The following COPS2 variants were observed in gnomAD, a reference collection of about 807,000 sequenced individuals.
COPS2 encodes the protein COP9 signalosome complex subunit 2.
A neutral mutation model predicts 66.1 loss-of-function variants in COPS2; 10 were observed. The ratio of observed to expected loss-of-function variants is 0.15; its 90% confidence interval spans 0.09 to 0.26. The LOEUF is 0.26. COPS2 is among the 10% of genes least tolerant of loss of function. The pLI, the probability that COPS2 is intolerant of heterozygous loss-of-function variation, is 1.00. For synonymous variants in COPS2, 179 were observed against 171.3 expected, an observed-to-expected ratio of 1.04 and a Z score of -0.35; for missense variants, 215 against 513.3, an observed-to-expected ratio of 0.42 and a Z score of 5.62.
intron 1 of COPS2, among the ~76,000 whole-genome samples, chr15:49,152,234 T>G (rs533792010): frequency 6.6e-5 from 10 of 150,638 alleles, no homozygotes; most frequent in African/African-American, 2.4e-4. Flanking sequence ...AAAACTCTTT[T>G]GGCAAAAGGT....
chr15:49,139,750 TG>T (rs965851072), intron 3 of COPS2, 97 bp from the exon 4 acceptor site: 11 of 865,862 alleles, frequency 1.3e-5, no homozygotes, highest in Admixed American at 7.9e-5. Context: ...CATAATGAAA[TG>T]TAGTTCATAT....
In COPS2 at chr15:49,128,045, G is replaced by C. The variant is rs1283495283; in HGVS notation, c.1237C>G (p.His413Asp). 2 of 1,613,802 alleles carry C rather than the reference G, an allele frequency of 1.2e-6. No homozygotes were observed. Among genetic ancestry groups the C allele is most frequent in the East Asian group, 2.2e-5 (1 of 44,876 alleles). Reference protein sequence around the residue: ...DQVNQLLELDHQKRGGARYTA... With the variant: ...DQVNQLLELDDQKRGGARYTA... ...TATCGTGCACCACCCCTCTTCTGAT[G>C]ATCCAGTTCAAGGAGTTGGTTGACT... Residue 413 changes from histidine to aspartate, a missense_variant, in exon 13 of 13, where the codon CAT becomes GAT. His to Asp is a moderately conservative substitution (Grantham distance 81). Coordinates refer to ENST00000388901, the MANE Select transcript of COPS2 (RefSeq NM_004236.4).
At chr15:49,138,220 CT>C (rs1566883730) in intron 4 of COPS2, among the ~76,000 whole-genome samples, 1 of 152,194 alleles carries the variant, frequency 6.6e-6, no homozygotes, top group Admixed American at 6.5e-5. Flanking sequence ...TGCCCACCCT[CT>C]TCCCCCCGCT....
intron 2 of COPS2, 51 bp downstream of exon 2, chr15:49,144,914 C>A: frequency 1.0e-6 from 1 of 973,226 alleles, no homozygotes; most frequent in Non-Finnish European, 1.6e-6. Flanking sequence ...TTTGTTCTAG[C>A]ATATCATTAA....
At chr15:49,145,741 A>G (rs1057011817) in intron 1 of COPS2, among the ~76,000 whole-genome samples, 6 of 150,348 alleles carry the variant, frequency 4.0e-5, no homozygotes, top group African/African-American at 1.5e-4. Flanking sequence ...TTCTTAGTGG[A>G]AAAAAAACAA....
intron 10 of COPS2, 147 bp downstream of exon 10, chr15:49,130,572 T>G: frequency 2.3e-6 from 1 of 436,836 alleles, no homozygotes; most frequent in Admixed American, 3.9e-5. Context: ...TTAAGGAATA[T>G]CCCATCCAAT....
intron 4 of COPS2, among the ~76,000 whole-genome samples, chr15:49,138,733 A>G (rs2084270360): frequency 6.6e-6 from 1 of 152,222 alleles, no homozygotes; most frequent in South Asian, 2.1e-4. Context: ...CTAGTAGAAA[A>G]GACATTAAAT....
chr15:49,137,136 T>G lies in COPS2; in HGVS notation c.540+14A>C. On this transcript the variant is annotated intron_variant, in intron 6 of 12. Coordinates refer to ENST00000388901, the MANE Select transcript of COPS2 (RefSeq NM_004236.4). ...TTATGAAGAAATATTCAGAAAAAAA[T>G]AAGGGAAAGCTACCTGGCACGACTG... The G allele has an allele frequency of 6.5e-7, 1 of 1,528,988 alleles. No individual in the cohort carries two copies. The highest frequency in any genetic ancestry group is 1.2e-5 in the South Asian group (1 of 80,124). 94.7% of individuals were successfully genotyped at this position (1,528,988 alleles called of 1,614,324 possible).
At chr15:49,151,350 A>G (rs1390665378) in intron 1 of COPS2, among the ~76,000 whole-genome samples, 1 of 151,432 alleles carries the variant, frequency 6.6e-6, no homozygotes, top group Non-Finnish European at 1.5e-5. Flanking sequence ...CAGTGAGCCG[A>G]GATCATGCCA....
intron 4 of COPS2, 113 bp from the exon 5 acceptor site, chr15:49,137,550 C>T: frequency 3.9e-6 from 3 of 761,632 alleles, no homozygotes; most frequent in South Asian, 1.6e-5. Context: ...ACATAAGATA[C>T]ACTATCTGTA....
At chr15:49,142,254 A>T (rs1330607455) in intron 3 of COPS2, among the ~76,000 whole-genome samples, 1 of 152,202 alleles carries the variant, frequency 6.6e-6, no homozygotes, top group Non-Finnish European at 1.5e-5. Context: ...TGCAATATAC[A>T]ATATACTTAA....
chr15:49,134,506 A>G lies in COPS2; in HGVS notation c.549T>C (p.Asp183=), dbSNP rs2084236524. 3 of 1,609,664 alleles carry G rather than the reference A, an allele frequency of 1.9e-6. No individual in the cohort carries two copies. The South Asian group carries it at 3.3e-5, about 18-fold the overall frequency. The change falls in exon 7 of 13, where the codon GAT becomes GAC. Residue 183 remains aspartate, a synonymous_variant. Coordinates refer to ENST00000388901, the MANE Select transcript of COPS2 (RefSeq NM_004236.4). The stretch of plus-strand genomic sequence containing the variant: ...TACCTTTTTTCAGATCATCTTCTCC[A>G]TCATCAGTCTAGGAAAGCAAATATT... ...RQLHQSCQTD[D]GEDDLKKGTQ...
chr15:49,134,296 A>G (rs937350235), intron 7 of COPS2, 44 bp downstream of exon 7: 2 of 1,576,650 alleles, frequency 1.3e-6, no homozygotes, highest in Non-Finnish European at 1.7e-6. Flanking sequence ...AAACACTTTG[A>G]TATCTCCCCA....
intron 1 of COPS2, among the ~76,000 whole-genome samples, chr15:49,149,156 A>G (rs1448708116): frequency 1.3e-5 from 2 of 152,248 alleles, no homozygotes; most frequent in East Asian, 3.8e-4. Context: ...CTAAAGTTCA[A>G]TAATAGTTCC....
chr15:49,134,065 C>T lies in COPS2; in HGVS notation c.759G>A (p.Lys253=), dbSNP rs779230984. 3.7e-6 allele frequency: 6 copies of T among 1,613,360 alleles called. No homozygotes were observed. In the East Asian group the frequency reaches 8.9e-5, roughly 24 times the overall value. The change falls in exon 8 of 13, where the codon AAG becomes AAA. Residue 253 remains lysine (K), a synonymous_variant. Transcript: ENST00000388901. ...AGGCTTCAAAAAAATCAGTGTGTGC[C>T]TTTTCAAATTCACCTTCCCTCAAGT... is the stretch of plus-strand genomic sequence containing the variant. The part of the protein sequence containing the change: ...KMHLREGEFE[K]AHTDFFEAFK...
intron 1 of COPS2, among the ~76,000 whole-genome samples, chr15:49,148,462 ATAAAGCAAT>A (rs2084337025): frequency 6.6e-6 from 1 of 152,216 alleles, no homozygotes; most frequent in Non-Finnish European, 1.5e-5. Context: ...GGCAGCTGAA[ATAAAGCAAT>A]TAACATGCAA....
intron 9 of COPS2, among the ~76,000 whole-genome samples, chr15:49,131,742 A>G (rs1428012455): frequency 6.6e-6 from 1 of 152,170 alleles, no homozygotes; most frequent in Non-Finnish European, 1.5e-5. Flanking sequence ...AGGAGGACAT[A>G]TTCAAGCATT....
At chr15:49,148,592 G>A (rs1450215496) in intron 1 of COPS2, among the ~76,000 whole-genome samples, 2 of 152,152 alleles carry the variant, frequency 1.3e-5, no homozygotes, top group African/African-American at 2.4e-5. Context: ...GACAACAGAA[G>A]TCTTACAAGG....
At position 49,127,465 on chromosome 15, in the gene COPS2, C is replaced by T. The variant is rs148531878; in HGVS notation, c.*485G>A. 8.4e-3 allele frequency: 1,282 copies of T among 153,450 alleles called. 6 individuals carry two copies. Among genetic ancestry groups the T allele is most frequent in the Non-Finnish European group, 0.014 (962 of 68,550 alleles). The allele number at this position is 153,450 out of a possible 1,614,324, so 9.5% of individuals were successfully genotyped here. A position where few individuals can be genotyped will look rare whatever the true frequency, so the allele number is the denominator to read the frequency against. ...CTGCAGGTACAGAAATATACGGACA[C>T]ATTTTTAGAGAATTGACATTTTGCA... On this transcript the variant is annotated 3_prime_UTR_variant, in exon 13 of 13. Transcript: ENST00000388901.
Sources: gnomAD v4.1 joint callset for allele counts (sites outside exome capture counted in the v4.1 genomes callset) on GRCh38, gnomAD v4.1.1 for gene constraint, MANE v1.5 for transcripts, NCBI Gene and HGNC (gene_info 2026-07-23, HGNC 2026-07-21) for gene names.